The following FAM107B variants were observed in gnomAD, a reference collection of about 807,000 sequenced individuals.
FAM107B encodes family with sequence similarity 107 member B.
Under a neutral mutation model 31.5 loss-of-function variants are expected in FAM107B, and 21 were observed. The observed-to-expected ratio is 0.67, with a 90% CI of 0.47 to 0.96. The LOEUF (loss-of-function observed/expected upper bound fraction) is 0.96. FAM107B is among the 40% of genes least tolerant of loss of function. FAM107B has a pLI of 0.00. For synonymous variants in FAM107B, 157 were observed against 141.5 expected, an observed-to-expected ratio of 1.11 and a Z score of -0.78; for missense variants, 452 against 377.1, an observed-to-expected ratio of 1.20 and a Z score of -1.64.
chr10:14,641,605 G>C (rs1298357189), intron 2 of FAM107B, among the ~76,000 whole-genome samples: 3 of 152,178 alleles, frequency 2.0e-5, no homozygotes, highest in African/African-American at 7.2e-5. Flanking sequence ...ACATGACAAA[G>C]AGAAAAAGAG....
intron 2 of FAM107B, among the ~76,000 whole-genome samples, chr10:14,645,475 TGG>T (rs1853728945): frequency 7.7e-6 from 1 of 130,108 alleles, no homozygotes; most frequent in African/African-American, 2.8e-5. Flanking sequence ...CTGATTCAGA[TGG>T]TCCTTTCTTC....
intron 1 of FAM107B, among the ~76,000 whole-genome samples, chr10:14,772,353 T>TA (rs201097631): frequency 6.2e-4 from 88 of 143,008 alleles, no homozygotes; most frequent in Admixed American, 1.4e-3. Flanking sequence ...GACTCCATCT[T>TA]AAAAAAAAAA....
intron 2 of FAM107B, chr10:14,556,427 T>C (rs1448759681): frequency 1.0e-6 from 1 of 985,266 alleles, no homozygotes; most frequent in Non-Finnish European, 1.2e-6. Context: ...AATACACCAG[T>C]CAGCACTCAG....
intron 1 of FAM107B, among the ~76,000 whole-genome samples, chr10:14,755,511 G>GA (rs1832910730): frequency 1.3e-5 from 2 of 148,902 alleles, no homozygotes; most frequent in African/African-American, 4.9e-5. Context: ...AAAAAAAAAA[G>GA]AAAAAAGAAA....
chr10:14,749,642 C>T (rs552426682), intron 1 of FAM107B, among the ~76,000 whole-genome samples: 5 of 152,280 alleles, frequency 3.3e-5, no homozygotes, highest in South Asian at 2.1e-4. Flanking sequence ...AGATGGGAAC[C>T]GAGCCAGCAG....
At chr10:14,600,724 C>G (rs528936236) in intron 2 of FAM107B, among the ~76,000 whole-genome samples, 1 of 152,208 alleles carries the variant, frequency 6.6e-6, no homozygotes, top group Non-Finnish European at 1.5e-5. Context: ...ACTGCAGCCT[C>G]GAACTCCTGG....
chr10:14,581,029 G>C (rs1379046945), intron 2 of FAM107B, among the ~76,000 whole-genome samples: 5 of 152,226 alleles, frequency 3.3e-5, no homozygotes, highest in Admixed American at 1.3e-4. Flanking sequence ...GCAAGTCTCT[G>C]CTGCTGGAAA....
intron 2 of FAM107B, among the ~76,000 whole-genome samples, chr10:14,601,080 ATCC>A (rs935828585): frequency 1.3e-5 from 2 of 152,120 alleles, no homozygotes; most frequent in African/African-American, 2.4e-5. Context: ...TTCTTTAAAT[ATCC>A]TCCTCACCTG....
chr10:14,683,844 G>A (rs1854909151), intron 1 of FAM107B, among the ~76,000 whole-genome samples: 1 of 152,110 alleles, frequency 6.6e-6, no homozygotes. Flanking sequence ...TGTAACTGAA[G>A]CTCCCAGAGG....
chr10:14,689,731 C>T (rs1288209992), intron 1 of FAM107B, among the ~76,000 whole-genome samples: 1 of 152,146 alleles, frequency 6.6e-6, no homozygotes, highest in Non-Finnish European at 1.5e-5. Flanking sequence ...GAGGCTGAGG[C>T]AGGAGGATCA....
intron 1 of FAM107B, among the ~76,000 whole-genome samples, chr10:14,683,347 G>T (rs968489747): frequency 6.6e-6 from 1 of 152,206 alleles, no homozygotes; most frequent in African/African-American, 2.4e-5. Context: ...ATGAGTGATT[G>T]TTCCACACCG....
intron 3 of FAM107B, 95 bp from the exon 4 acceptor site, chr10:14,522,114 G>A (rs1245909178): frequency 2.0e-6 from 3 of 1,480,448 alleles, no homozygotes; most frequent in Non-Finnish European, 2.7e-6. Flanking sequence ...CCACGGAAAA[G>A]TGGTCTACAA....
At chr10:14,630,129 G>T (rs1278338758) in intron 2 of FAM107B, among the ~76,000 whole-genome samples, 1 of 151,862 alleles carries the variant, frequency 6.6e-6, no homozygotes, top group Non-Finnish European at 1.5e-5. Flanking sequence ...TTAGATCTCG[G>T]GGCAAGAATC....
At chr10:14,582,694 G>A (rs1331782660) in intron 2 of FAM107B, among the ~76,000 whole-genome samples, 5 of 151,714 alleles carry the variant, frequency 3.3e-5, no homozygotes, top group African/African-American at 4.8e-5. Flanking sequence ...ATGTTTTAAC[G>A]TTGTACTGAG....
intron 3 of FAM107B, among the ~76,000 whole-genome samples, chr10:14,524,200 A>G (rs931763018): frequency 6.6e-6 from 1 of 151,750 alleles, no homozygotes. Context: ...CGCAACCACG[A>G]CCGGATAATT....
At chr10:14,561,390 C>T (rs992411821) in intron 2 of FAM107B, among the ~76,000 whole-genome samples, 7 of 152,202 alleles carry the variant, frequency 4.6e-5, no homozygotes, top group Middle Eastern at 3.2e-3. Context: ...TGAAACACCG[C>T]GCTGAGAAGA....
At chr10:14,723,852 A>T (rs1479676579) in intron 1 of FAM107B, 2 of 755,502 alleles carry the variant, frequency 2.6e-6, no homozygotes, top group Non-Finnish European at 4.8e-6. Context: ...CAGGGTTTTC[A>T]ATGGCAACAA....
intron 1 of FAM107B, among the ~76,000 whole-genome samples, chr10:14,740,075 T>A (rs1317307685): frequency 6.6e-6 from 1 of 152,234 alleles, no homozygotes; most frequent in Non-Finnish European, 1.5e-5. Context: ...CTTACAAAGC[T>A]AAACATAGGC....
intron 1 of FAM107B, among the ~76,000 whole-genome samples, chr10:14,679,774 C>A (rs1854783562): frequency 6.6e-6 from 1 of 152,200 alleles, no homozygotes; most frequent in Non-Finnish European, 1.5e-5. Flanking sequence ...CTGGGAAAGG[C>A]AGACCCACCC....
Sources: gnomAD v4.1 joint callset for allele counts (sites outside exome capture counted in the v4.1 genomes callset) on GRCh38, gnomAD v4.1.1 for gene constraint, MANE v1.5 for transcripts, NCBI Gene and HGNC (gene_info 2026-07-23, HGNC 2026-07-21) for gene names.